Variants in ABCC4 observed in about 807,000 individuals in gnomAD.
The protein encoded by ABCC4 is ATP-binding cassette sub-family C member 4.
In ABCC4, 102 loss-of-function variants were observed where a neutral mutation model predicts 168.5. The ratio of observed to expected loss-of-function variants is 0.61; its 90% CI spans 0.52 to 0.71. The LOEUF is 0.71. Ranked by LOEUF, ABCC4 falls within the 30% of genes least tolerant of loss-of-function variation. The probability of loss-of-function intolerance (pLI) is 0.00; values close to 1 mark genes in which losing one functional copy is unlikely to be tolerated. For synonymous variants in ABCC4, 617 were observed against 590.7 expected (o/e 1.04, Z -0.65); for missense variants, 1,402 against 1,605.8 (o/e 0.87, Z 2.17).
chr13:95,239,600 G>A lies in ABCC4; in HGVS notation c.307-4766C>T, dbSNP rs115462204. Among the ~76,000 whole-genome samples the A allele has an allele frequency of 8.3e-3, 1,262 of 152,226 alleles. 21 individuals are homozygous for A. Among genetic ancestry groups the A allele is most frequent in the African/African-American group, 0.029 (1,197 of 41,506 alleles). On this transcript the variant is annotated intron_variant, in intron 3 of 30. Coordinates refer to ENST00000645237, the MANE Select transcript of ABCC4 (RefSeq NM_005845.5). ...CCCACTAGCCAAAGACAGCCAAAGC[G>A]TGGCACAGGGATGATAACTGTAATG... is the stretch of plus-strand genomic sequence containing the variant.
intron 20 of ABCC4, among the ~76,000 whole-genome samples, chr13:95,104,774 G>C (rs1194742106): frequency 6.6e-6 from 1 of 152,192 alleles, no homozygotes. Flanking sequence ...GATTGGGGCA[G>C]AGAATGGGGT....
intron 4 of ABCC4, among the ~76,000 whole-genome samples, chr13:95,221,656 TA>T (rs34647565): frequency 0.58 from 85,232 of 146,936 alleles, 24,577 homozygotes; most frequent in East Asian, 0.68. Flanking sequence ...AGAAATATGT[TA>T]AAAAAAAAAA....
chr13:95,250,380 A>C (rs1426449077), intron 1 of ABCC4, among the ~76,000 whole-genome samples: 1 of 152,164 alleles, frequency 6.6e-6, no homozygotes, highest in Non-Finnish European at 1.5e-5. Context: ...CAGGGCAATG[A>C]CTACTGCCAT....
At chr13:95,036,832 C>A (rs1456725426) in intron 29 of ABCC4, among the ~76,000 whole-genome samples, 1 of 152,046 alleles carries the variant, frequency 6.6e-6, no homozygotes, top group Admixed American at 6.5e-5. Flanking sequence ...GCCTATAATC[C>A]TAGCACTTTG....
At chr13:95,081,288 C>CG (rs2034086548) in intron 21 of ABCC4, among the ~76,000 whole-genome samples, 1 of 150,494 alleles carries the variant, frequency 6.6e-6, no homozygotes. Flanking sequence ...CCACATGGAT[C>CG]GGATGTGGCT....
chr13:95,244,669 G>GAAAGAAAGAAATAAAT (rs780621852), intron 3 of ABCC4, among the ~76,000 whole-genome samples: 1 of 68,008 alleles, frequency 1.5e-5, no homozygotes, highest in Non-Finnish European at 2.8e-5. Flanking sequence ...AAGAAAGAAA[G>GAAAGAAAGAAATAAAT]AAATCATAGC....
chr13:95,281,390 T>C (rs901453868), intron 1 of ABCC4, among the ~76,000 whole-genome samples: 2 of 150,788 alleles, frequency 1.3e-5, no homozygotes, highest in African/African-American at 2.4e-5. Flanking sequence ...CAGCTTACAC[T>C]GGACAGGCTT....
At chr13:95,217,649 G>T (rs1039635814) in intron 4 of ABCC4, among the ~76,000 whole-genome samples, 7 of 151,774 alleles carry the variant, frequency 4.6e-5, no homozygotes, top group Admixed American at 4.6e-4. Context: ...CAGGAGAATC[G>T]CTTGAACCCG....
In ABCC4 at chr13:95,095,333, T is replaced by TCTATCTAA. The variant is rs2034559165; in HGVS notation, c.2536-12044_2536-12043insTTAGATAG. On this transcript the variant is annotated intron_variant, in intron 20 of 30. Coordinates refer to ENST00000645237, the MANE Select transcript of ABCC4 (RefSeq NM_005845.5). ...ATCTATCTATCTATCTATCTATCTA[T>TCTATCTAA]CTATCTGATGGAATACTCCTCAACC... 4.0e-5 allele frequency among the ~76,000 whole-genome samples: 6 copies of TCTATCTAA among 149,996 alleles called. No individual in the cohort carries two copies. The South Asian group carries it at 6.3e-4, about 16-fold the overall frequency.
At chr13:95,094,555 A>C (rs114381648) in intron 20 of ABCC4, among the ~76,000 whole-genome samples, 2,156 of 152,298 alleles carry the variant, frequency 0.014, 60 homozygotes, top group African/African-American at 0.049. Flanking sequence ...AGACCTGGAA[A>C]CTATAAAAAT....
At chr13:95,037,171 G>C (rs539510143) in intron 29 of ABCC4, among the ~76,000 whole-genome samples, 1 of 151,200 alleles carries the variant, frequency 6.6e-6, no homozygotes, top group South Asian at 2.1e-4. Flanking sequence ...AGCTGCAGAT[G>C]AATCTGCAAG....
At chr13:95,160,387 T>C (rs1448357155) in intron 19 of ABCC4, among the ~76,000 whole-genome samples, 3 of 152,142 alleles carry the variant, frequency 2.0e-5, no homozygotes, top group African/African-American at 4.8e-5. Flanking sequence ...GGTGGGGACT[T>C]ATAGGCACAA....
At chr13:95,105,424 C>T (rs1006391303) in intron 20 of ABCC4, among the ~76,000 whole-genome samples, 3 of 152,138 alleles carry the variant, frequency 2.0e-5, no homozygotes, top group African/African-American at 7.2e-5. Context: ...TTCACTTCTT[C>T]ATCCTCCCTA....
chr13:95,290,072 G>A (rs1355696611), intron 1 of ABCC4, among the ~76,000 whole-genome samples: 3 of 150,756 alleles, frequency 2.0e-5, no homozygotes, highest in Admixed American at 1.3e-4. Context: ...CTCCAGCCTG[G>A]GCAACAAGAG....
chr13:95,159,122 T>C (rs1163795355), intron 19 of ABCC4, among the ~76,000 whole-genome samples: 3 of 133,770 alleles, frequency 2.2e-5, no homozygotes, highest in African/African-American at 8.0e-5. Flanking sequence ...TATATATATA[T>C]ATATATATAT....
Position 95,247,754 on chromosome 13 carries a change from C to G in ABCC4, c.75-1G>C, listed in dbSNP as rs747390442. ...AATTTTAAACAAGGGATTGAGCCAC[C>G]TGTTAACAAGAGAAAAGAGACATAT... is the stretch of plus-strand genomic sequence containing the variant. On this transcript the variant is annotated splice_acceptor_variant, in intron 1 of 30. Transcript: ENST00000645237. LOFTEE classifies it high-confidence loss of function. 2 of 1,608,162 alleles carry G rather than the reference C, an allele frequency of 1.2e-6. No homozygotes were observed. The highest frequency in any genetic ancestry group is 1.7e-6 in the Non-Finnish European group (2 of 1,174,708).
intron 26 of ABCC4, 73 bp from the exon 27 acceptor site, chr13:95,053,257 A>G (rs1594014236): frequency 4.3e-6 from 5 of 1,173,538 alleles, no homozygotes; most frequent in African/African-American, 1.5e-5. Context: ...AACATCAACA[A>G]TAGAATTAAG....
rs138717639 is a variant in ABCC4, at chr13:95,186,357, G to A, written c.1545+344C>T. Reference sequence around the variant, plus strand: ...GAGTTGAATTGGCTACAAGTTGATCGCACTTGAACTTGAGCAATGGGTACA... The same window carrying A: ...GAGTTGAATTGGCTACAAGTTGATCACACTTGAACTTGAGCAATGGGTACA... On this transcript the variant is annotated intron_variant, in intron 11 of 30. Coordinates refer to ENST00000645237, the MANE Select transcript of ABCC4 (RefSeq NM_005845.5). 1.7e-4 allele frequency among the ~76,000 whole-genome samples: 26 copies of A among 152,176 alleles called. No homozygotes were observed. The East Asian group carries it at 4.5e-3, about 26-fold the overall frequency.
intron 4 of ABCC4, among the ~76,000 whole-genome samples, chr13:95,218,792 A>G (rs1254539001): frequency 6.6e-6 from 1 of 151,742 alleles, no homozygotes; most frequent in Non-Finnish European, 1.5e-5. Context: ...TCAAGGCTGC[A>G]GTAAGCAGTA....
Sources: allele counts gnomAD v4.1 joint callset (sites outside exome capture counted in the v4.1 genomes callset), GRCh38; gene constraint gnomAD v4.1.1; transcripts MANE v1.5; gene names NCBI Gene and HGNC (gene_info 2026-07-23, HGNC 2026-07-21).